The following COL22A1 variants were observed in gnomAD, a reference collection of about 807,000 sequenced individuals.
The protein encoded by COL22A1 is collagen alpha-1(XXII) chain.
COL22A1 carries 221 observed loss-of-function variants against 248.9 expected under a neutral mutation model. The ratio of observed to expected loss-of-function variants is 0.89; its 90% CI spans 0.80 to 0.99. The LOEUF (loss-of-function observed/expected upper bound fraction) is 0.99. COL22A1 is among the 50% of genes least tolerant of loss of function. The pLI, the probability that COL22A1 is intolerant of heterozygous loss-of-function variation, is 0.00. For missense variants in COL22A1, 2,240 were observed against 2,179.0 expected, an observed-to-expected ratio of 1.03 and a Z score of -0.56; for synonymous variants, 891 against 793.4, an observed-to-expected ratio of 1.12 and a Z score of -2.07.
chr8:138,749,473 T>A (rs1030053529), intron 22 of COL22A1, among the ~76,000 whole-genome samples: 1 of 152,214 alleles, frequency 6.6e-6, no homozygotes, highest in South Asian at 2.1e-4. Context: ...CACGTACACA[T>A]TAATTACATA....
chr8:138,712,413 C>G (rs1829047748), intron 30 of COL22A1, among the ~76,000 whole-genome samples: 1 of 152,262 alleles, frequency 6.6e-6, no homozygotes, highest in South Asian at 2.1e-4. Context: ...TGGTACAGCA[C>G]CTTACTCAGG....
chr8:138,661,995 C>T (rs984052374), intron 43 of COL22A1, 35 bp downstream of exon 43: 8 of 1,579,322 alleles, frequency 5.1e-6, no homozygotes, highest in African/African-American at 1.4e-5. Context: ...CATGTAAGGG[C>T]CTTCACTGAG....
intron 35 of COL22A1, among the ~76,000 whole-genome samples, chr8:138,693,194 A>C (rs544804376): frequency 6.6e-6 from 1 of 152,050 alleles, no homozygotes; most frequent in Non-Finnish European, 1.5e-5. Flanking sequence ...GGAGCAGCTG[A>C]GGAGTGTGCA....
chr8:138,814,660 A>G (rs1818526423), intron 7 of COL22A1, among the ~76,000 whole-genome samples: 1 of 152,196 alleles, frequency 6.6e-6, no homozygotes, highest in African/African-American at 2.4e-5. Context: ...AGATGACTGT[A>G]GCATTGGCCA....
chr8:138,619,060 A>G (rs1033629507), intron 53 of COL22A1, among the ~76,000 whole-genome samples: 1 of 152,154 alleles, frequency 6.6e-6, no homozygotes, highest in Admixed American at 6.5e-5. Context: ...TATTATTACC[A>G]TCATCATTAT....
chr8:138,805,759 T>C (rs1817536284), intron 10 of COL22A1, among the ~76,000 whole-genome samples: 1 of 139,626 alleles, frequency 7.2e-6, no homozygotes, highest in Non-Finnish European at 1.5e-5. Context: ...TGTGTGTGTG[T>C]AATGGTATGT....
In COL22A1 at chr8:138,811,789, C is replaced by T. The variant is rs747901219; in HGVS notation, c.1449+10G>A. The T allele has an allele frequency of 2.5e-6, 4 of 1,574,852 alleles. No homozygotes were observed. The South Asian group carries it at 4.4e-5, about 17-fold the overall frequency. On this transcript the variant is annotated intron_variant, in intron 9 of 64. Coordinates refer to ENST00000303045, the MANE Select transcript of COL22A1 (RefSeq NM_152888.3). ...TTCTGCTGGGGCTGAAGGTGGACTG[C>T]AGACAATACCTTCTCTCCAGCTGGG...
intron 8 of COL22A1, 76 bp from the exon 9 acceptor site, chr8:138,811,997 G>A (rs1818278338): frequency 6.9e-7 from 1 of 1,455,870 alleles, no homozygotes; most frequent in Non-Finnish European, 9.1e-7. Context: ...ACAGTGTCGG[G>A]TGCTTCCTCA....
intron 1 of COL22A1, among the ~76,000 whole-genome samples, chr8:138,885,011 TGCAC>T (rs1170837161): frequency 1.7e-5 from 2 of 121,172 alleles, no homozygotes; most frequent in Non-Finnish European, 1.8e-5. Context: ...CATATGTGTG[TGCAC>T]GCACACACAC....
intron 47 of COL22A1, among the ~76,000 whole-genome samples, chr8:138,638,688 T>C (rs1273525001): frequency 2.0e-5 from 3 of 152,224 alleles, no homozygotes; most frequent in Admixed American, 2.0e-4. Context: ...TCCACGTAAT[T>C]ATTTTTACTG....
chr8:138,788,325 C>T (rs1233415321), intron 12 of COL22A1, among the ~76,000 whole-genome samples: 2 of 152,206 alleles, frequency 1.3e-5, no homozygotes, highest in African/African-American at 2.4e-5. Flanking sequence ...AACATGAACT[C>T]AAATCCTGGC....
intron 47 of COL22A1, among the ~76,000 whole-genome samples, chr8:138,640,280 T>C (rs1402967350): frequency 6.6e-6 from 1 of 152,168 alleles, no homozygotes. Context: ...AAAACAATCA[T>C]TTGGAAGGTA....
chr8:138,602,231 C>A, intron 59 of COL22A1, 72 bp from the exon 60 acceptor site: 1 of 1,537,486 alleles, frequency 6.5e-7, no homozygotes, highest in South Asian at 1.1e-5. Flanking sequence ...GCTGGATATT[C>A]TTCACAGTCC....
rs941878911 is a variant in COL22A1 at position 138,684,120 on chromosome 8, C to T, written c.3012+305G>A. 4.6e-5 allele frequency among the ~76,000 whole-genome samples: 7 copies of T among 151,892 alleles called. No homozygotes were observed. In the East Asian group the frequency reaches 5.8e-4, roughly 13 times the overall value. On this transcript the variant is annotated intron_variant, in intron 39 of 64. Coordinates refer to ENST00000303045, the MANE Select transcript of COL22A1 (RefSeq NM_152888.3). ...TAAAAATATACAAAACAAAATTAGTCGGGCATGGTGGTGCATCCCTGTAGT... is the reference window on the plus strand; with the variant it reads ...TAAAAATATACAAAACAAAATTAGTTGGGCATGGTGGTGCATCCCTGTAGT...
chr8:138,710,606 T>TATA (rs150247137), intron 30 of COL22A1, among the ~76,000 whole-genome samples: 6 of 147,774 alleles, frequency 4.1e-5, no homozygotes, highest in Non-Finnish European at 7.4e-5. Flanking sequence ...TATCTATCTA[T>TATA]CTATATATAT....
rs564458489 is a variant in COL22A1 at position 138,751,271 on chromosome 8, A to G, written c.2085+187T>C. Among the ~76,000 whole-genome samples, 5 of 152,290 alleles carry G rather than the reference A, an allele frequency of 3.3e-5. No homozygotes were observed. In the South Asian group the frequency reaches 6.2e-4, roughly 19 times the overall value. On this transcript the variant is annotated intron_variant, in intron 22 of 64. Coordinates refer to ENST00000303045, the MANE Select transcript of COL22A1 (RefSeq NM_152888.3). Reference sequence around the variant, plus strand: ...CTGATCTCCATGTCCCTGAAGCCCAACTCAAGGCAGAACACATAGTAGAAC... The same window carrying G: ...CTGATCTCCATGTCCCTGAAGCCCAGCTCAAGGCAGAACACATAGTAGAAC...
chr8:138,755,804 G>A lies in COL22A1; in HGVS notation c.1928C>T (p.Pro643Leu), dbSNP rs758458741. ...EKGDVGPAGPPGVPGSVVQQE... is the reference protein window; with the variant it reads ...EKGDVGPAGPLGVPGSVVQQE... ...ACTCACCACTGAGCCTGGTACACCA[G>A]GTGGCCCCGCAGGTCCCACGTCACC... The change falls in exon 19 of 65, where the codon CCT (proline) becomes CTT (leucine). Residue 643 changes from proline to leucine, a missense_variant. Pro to Leu is a moderately conservative substitution (Grantham distance 98). Transcript: ENST00000303045. 2 of 1,614,096 alleles carry A rather than the reference G, an allele frequency of 1.2e-6. No individual in the cohort carries two copies. The highest frequency in any genetic ancestry group is 2.2e-5 in the South Asian group (2 of 91,074).
chr8:138,862,632 C>T (rs557260680), intron 3 of COL22A1, among the ~76,000 whole-genome samples: 13 of 152,190 alleles, frequency 8.5e-5, no homozygotes, highest in African/African-American at 1.7e-4. Context: ...TATCTTTCCT[C>T]TTGTTTTTTT....
chr8:138,649,286 CATTG>C (rs1216041635), intron 46 of COL22A1, among the ~76,000 whole-genome samples: 10 of 152,112 alleles, frequency 6.6e-5, no homozygotes, highest in Non-Finnish European at 1.5e-5. Flanking sequence ...TGGATGGATC[CATTG>C]ATTGATCTAT....
Sources: gnomAD v4.1 joint callset for allele counts (sites outside exome capture counted in the v4.1 genomes callset) on GRCh38, gnomAD v4.1.1 for gene constraint, MANE v1.5 for transcripts, NCBI Gene and HGNC (gene_info 2026-07-23, HGNC 2026-07-21) for gene names.